Variants in SAMSN1 observed in about 807,000 individuals in gnomAD.
SAMSN1 encodes SAM domain, SH3 domain and nuclear localization signals 1.
Under a neutral mutation model 42.0 loss-of-function variants are expected in SAMSN1, and 31 were observed. The ratio of observed to expected loss-of-function variants is 0.74; its 90% CI spans 0.55 to 1.00. SAMSN1 has a LOEUF of 1.00. Among genes scored for constraint, SAMSN1 ranks in the 50% least tolerant of loss-of-function variants. The pLI is 0.00. For synonymous variants in SAMSN1, 178 were observed against 151.9 expected, an observed-to-expected ratio of 1.17 and a Z score of -1.26; for missense variants, 464 against 439.4, an observed-to-expected ratio of 1.06 and a Z score of -0.50.
intron 2 of SAMSN1, among the ~76,000 whole-genome samples, chr21:14,641,010 A>ACTC (rs1568840763): frequency 1.0e-4 from 1 of 9,566 alleles, no homozygotes; most frequent in Admixed American, 2.0e-3. Flanking sequence ...TATTTACTTA[A>ACTC]ATGTGTGAGA....
chr21:14,655,319 A>T lies in SAMSN1; in HGVS notation c.24+3429T>A, dbSNP rs182099252. Reference sequence around the variant, plus strand: ...ACACAGGTAAAAGGTTAGAAGATATATTAAAAGATGACAAAATACTACTAA... The same window carrying T: ...ACACAGGTAAAAGGTTAGAAGATATTTTAAAAGATGACAAAATACTACTAA... On this transcript the variant is annotated intron_variant, in intron 1 of 15. Coordinates refer to the SAMSN1 transcript ENST00000647101. Among the ~76,000 whole-genome samples, 250 of 151,884 alleles carry T rather than the reference A, an allele frequency of 1.6e-3. 2 individuals carry two copies. Among genetic ancestry groups the T allele is most frequent in the Non-Finnish European group, 2.2e-4 (15 of 67,798 alleles).
chr21:14,494,673 T>C (rs1418167322), intron 7 of SAMSN1, among the ~76,000 whole-genome samples: 1 of 151,866 alleles, frequency 6.6e-6, no homozygotes, highest in Non-Finnish European at 1.5e-5. Context: ...AACCTCCATG[T>C]TCTGCACGTG....
chr21:14,596,459 T>G (rs1216231923), intron 6 of SAMSN1, among the ~76,000 whole-genome samples: 1 of 152,138 alleles, frequency 6.6e-6, no homozygotes, highest in Non-Finnish European at 1.5e-5. Context: ...ACTGAAGAGG[T>G]CTTCAGAAGG....
chr21:14,633,878 G>A (rs1414262245), intron 2 of SAMSN1, among the ~76,000 whole-genome samples: 1 of 151,948 alleles, frequency 6.6e-6, no homozygotes, highest in Admixed American at 6.6e-5. Context: ...CCAACTGTTG[G>A]ACACATATCA....
intron 3 of SAMSN1, among the ~76,000 whole-genome samples, chr21:14,515,522 T>C (rs1987876396): frequency 6.6e-6 from 1 of 152,124 alleles, no homozygotes; most frequent in African/African-American, 2.4e-5. Context: ...ACACCAAAAT[T>C]TAAGAGACTA....
intron 2 of SAMSN1, among the ~76,000 whole-genome samples, chr21:14,575,320 T>A (rs150917378): frequency 1.7e-3 from 255 of 152,340 alleles, no homozygotes; most frequent in African/African-American, 5.7e-3. Context: ...CACCTTAAGT[T>A]TATAAAATTA....
chr21:14,580,880 T>G (rs1275431579), intron 2 of SAMSN1, among the ~76,000 whole-genome samples: 1 of 152,166 alleles, frequency 6.6e-6, no homozygotes, highest in African/African-American at 2.4e-5. Context: ...ATTCATTCAC[T>G]GAAAACACAC....
At chr21:14,622,700 G>A (rs1165384423) in intron 2 of SAMSN1, among the ~76,000 whole-genome samples, 12 of 152,154 alleles carry the variant, frequency 7.9e-5, no homozygotes, top group Admixed American at 6.5e-4. Flanking sequence ...CACTCTGCAG[G>A]ATATTATCAA....
intron 2 of SAMSN1, among the ~76,000 whole-genome samples, chr21:14,552,358 T>C (rs950601179): frequency 6.6e-6 from 1 of 152,082 alleles, no homozygotes; most frequent in Admixed American, 6.6e-5. Context: ...GTCCCAAAAT[T>C]CATATGTTGG....
chr21:14,585,126 C>G (rs1475326099), upstream of SAMSN1, among the ~76,000 whole-genome samples: 1 of 152,114 alleles, frequency 6.6e-6, no homozygotes, highest in African/African-American at 2.4e-5. Flanking sequence ...CAAAATCTTC[C>G]CTCTCTTTCC....
intron 2 of SAMSN1, among the ~76,000 whole-genome samples, chr21:14,641,051 C>T (rs961487038): frequency 6.6e-6 from 1 of 151,906 alleles, no homozygotes; most frequent in African/African-American, 2.4e-5. Context: ...GGCTCTTCAG[C>T]CTATTCAATT....
At position 14,486,000 on chromosome 21, in the gene SAMSN1, C is replaced by A; in HGVS notation, c.1034G>T (p.Gly345Val). Residue 345 changes from glycine to valine, a missense_variant, in exon 8 of 8, where the codon GGA (glycine) becomes GTA (valine). By Grantham distance (109) the Gly-to-Val change is moderately radical. Coordinates refer to ENST00000400566, the MANE Select transcript of SAMSN1 (RefSeq NM_022136.5). ...PRDSGCYISS[G>V]NSDNGKEDLE... is the part of the protein sequence containing the mutation. ...ATCCTCTTTGCCATTATCTGAATTT[C>A]CTGATGAGATATAGCAACCAGAGTC... 6.2e-7 allele frequency: 1 copy of A among 1,613,638 alleles called. No homozygotes were observed. Among genetic ancestry groups the A allele is most frequent in the African/African-American group, 1.3e-5 (1 of 74,990 alleles).
intron 1 of SAMSN1, among the ~76,000 whole-genome samples, chr21:14,528,544 C>T (rs542292521): frequency 5.9e-5 from 9 of 152,256 alleles, no homozygotes; most frequent in Non-Finnish European, 4.4e-5. Flanking sequence ...ACTTTACCAG[C>T]CCCATTGGAA....
intron 7 of SAMSN1, among the ~76,000 whole-genome samples, chr21:14,590,632 A>G (rs1295489913): frequency 6.6e-6 from 1 of 152,154 alleles, no homozygotes; most frequent in East Asian, 1.9e-4. Flanking sequence ...AGATTTCAAT[A>G]ATCCAATCTA....
intron 2 of SAMSN1, among the ~76,000 whole-genome samples, chr21:14,573,863 T>C (rs1430714435): frequency 1.3e-5 from 2 of 152,210 alleles, no homozygotes; most frequent in Admixed American, 1.3e-4. Context: ...CTTCTGGCTT[T>C]GAGCAGTATT....
upstream of SAMSN1, among the ~76,000 whole-genome samples, chr21:14,583,991 G>A (rs537438423): frequency 9.2e-5 from 10 of 109,030 alleles, no homozygotes; most frequent in South Asian, 3.2e-3. Flanking sequence ...AAGCAGAGTG[G>A]TTTTACCATT....
intron 1 of SAMSN1, among the ~76,000 whole-genome samples, chr21:14,647,094 AC>A (rs1183283601): frequency 6.6e-6 from 1 of 152,162 alleles, no homozygotes; most frequent in Non-Finnish European, 1.5e-5. Flanking sequence ...ATGTAAATGA[AC>A]TAAAATCTCC....
In SAMSN1 at chr21:14,536,318, T is replaced by C. The variant is rs114145333; in HGVS notation, c.57+9887A>G. Among the ~76,000 whole-genome samples the C allele has an allele frequency of 8.0e-3, 1,214 of 152,316 alleles. 6 individuals carry two copies. Among genetic ancestry groups the C allele is most frequent in the Middle Eastern group, 0.017 (5 of 294 alleles). ...AAGAAAGACTAAAGAGATAAGTGTG[T>C]GACTAAATTGATTTTTAACAAATCC... On this transcript the variant is annotated intron_variant, in intron 1 of 7. Transcript: ENST00000400566.
chr21:14,621,877 T>C (rs549389358), intron 2 of SAMSN1, among the ~76,000 whole-genome samples: 6 of 152,310 alleles, frequency 3.9e-5, no homozygotes, highest in Non-Finnish European at 7.3e-5. Flanking sequence ...CACACCCCAG[T>C]ACGGGCAGAC....
Sources: gnomAD v4.1 joint callset for allele counts (sites outside exome capture counted in the v4.1 genomes callset) on GRCh38, gnomAD v4.1.1 for gene constraint, MANE v1.5 for transcripts, NCBI Gene and HGNC (gene_info 2026-07-23, HGNC 2026-07-21) for gene names.